AMPH: variants seen among roughly 807,000 people sequenced by gnomAD.
AMPH encodes amphiphysin.
In AMPH, 49 loss-of-function variants were observed where a neutral mutation model predicts 99.1. That is an observed-to-expected ratio of 0.49 (90% CI 0.39 to 0.63). AMPH has a LOEUF of 0.63. AMPH is among the 20% of genes least tolerant of loss of function. The pLI, the probability that AMPH is intolerant of heterozygous loss-of-function variation, is 0.00. For missense variants in AMPH, 759 were observed against 863.4 expected, an observed-to-expected ratio of 0.88 and a Z score of 1.52; for synonymous variants, 314 against 317.3, an observed-to-expected ratio of 0.99 and a Z score of 0.11.
intron 1 of AMPH, among the ~76,000 whole-genome samples, chr7:38,547,456 A>G (rs78020227): frequency 0.083 from 12,630 of 152,270 alleles, 718 homozygotes; most frequent in Middle Eastern, 0.19. Flanking sequence ...GCCTGAGTAT[A>G]CTAATCCCAC....
intron 20 of AMPH, among the ~76,000 whole-genome samples, chr7:38,388,186 T>C (rs1784396770): frequency 6.6e-6 from 1 of 152,102 alleles, no homozygotes; most frequent in South Asian, 2.1e-4. Context: ...CTGGAAATGG[T>C]AAACATGGTG....
intron 16 of AMPH, among the ~76,000 whole-genome samples, chr7:38,421,291 T>C (rs750924693): frequency 7.2e-5 from 11 of 152,360 alleles, no homozygotes; most frequent in Middle Eastern, 3.4e-3. Context: ...TTTATACTGG[T>C]ATTTCTCCAT....
At chr7:38,629,430 C>G (rs114065411) in intron 1 of AMPH, among the ~76,000 whole-genome samples, 6,920 of 152,240 alleles carry the variant, frequency 0.045, 190 homozygotes, top group Middle Eastern at 0.071. Flanking sequence ...CACCCCCGCT[C>G]CCATAGAAGA....
chr7:38,476,628 G>A (rs1189046795), intron 6 of AMPH, among the ~76,000 whole-genome samples: 1 of 152,162 alleles, frequency 6.6e-6, no homozygotes, highest in East Asian at 1.9e-4. Context: ...CCGCAACATT[G>A]TAGGTCAAAG....
intron 1 of AMPH, among the ~76,000 whole-genome samples, chr7:38,582,828 C>T (rs189950587): frequency 1.2e-3 from 177 of 152,106 alleles, no homozygotes; most frequent in Non-Finnish European, 1.8e-3. Flanking sequence ...CAATATGTGA[C>T]TGTCTGAAAA....
At chr7:38,432,587 T>TACACACACACAC (rs10556315) in intron 12 of AMPH, among the ~76,000 whole-genome samples, 247 of 148,178 alleles carry the variant, frequency 1.7e-3, no homozygotes, top group Non-Finnish European at 2.9e-3. Context: ...GTTATTTTAA[T>TACACACACACAC]ACACACACAC....
chr7:38,424,442 C>T lies in AMPH; in HGVS notation c.1216-1965G>A, dbSNP rs183437222. Reference sequence around the variant, plus strand: ...TCATTCATGACACAAGAAGAAGATGCTATTGGAAAATAAATATGCAGTAAA... The same window carrying T: ...TCATTCATGACACAAGAAGAAGATGTTATTGGAAAATAAATATGCAGTAAA... On this transcript the variant is annotated intron_variant, in intron 15 of 20. Coordinates refer to ENST00000356264, the MANE Select transcript of AMPH (RefSeq NM_001635.4). Among the ~76,000 whole-genome samples, 107 of 151,848 alleles carry T rather than the reference C, an allele frequency of 7.0e-4. 1 individual carries two copies. The highest frequency in any genetic ancestry group is 1.3e-3 in the Non-Finnish European group (87 of 67,966).
At chr7:38,432,114 G>A (rs761390189) in intron 13 of AMPH, 75 bp downstream of exon 13, 20 of 1,260,446 alleles carry the variant, frequency 1.6e-5, no homozygotes, top group Middle Eastern at 1.8e-4. Flanking sequence ...TGTTGCAAAT[G>A]AAATAAAATA....
At chr7:38,603,297 A>C (rs2129062121) in intron 1 of AMPH, among the ~76,000 whole-genome samples, 1 of 141,592 alleles carries the variant, frequency 7.1e-6, no homozygotes, top group Non-Finnish European at 1.5e-5. Context: ...GCCTGGTGAC[A>C]GAGTGAGACT....
At chr7:38,424,295 G>A (rs1257814497) in intron 15 of AMPH, among the ~76,000 whole-genome samples, 10 of 152,164 alleles carry the variant, frequency 6.6e-5, no homozygotes, top group Non-Finnish European at 1.5e-4. Context: ...CCAAACATTT[G>A]AGAAGTCTCA....
intron 11 of AMPH, among the ~76,000 whole-genome samples, chr7:38,456,397 T>C (rs561094455): frequency 6.6e-6 from 1 of 152,310 alleles, no homozygotes; most frequent in South Asian, 2.1e-4. Flanking sequence ...TCAATGTAGC[T>C]TGACCTCAGG....
At chr7:38,477,852 A>G (rs1331309977) in intron 5 of AMPH, among the ~76,000 whole-genome samples, 2 of 152,026 alleles carry the variant, frequency 1.3e-5, no homozygotes, top group African/African-American at 4.8e-5. Flanking sequence ...GAGCCTTCTG[A>G]CCTCTAGATT....
chr7:38,407,020 T>TA (rs1785031963), intron 17 of AMPH, among the ~76,000 whole-genome samples: 2 of 8,042 alleles, frequency 2.5e-4, no homozygotes, highest in East Asian at 6.1e-3. Flanking sequence ...CCTAATAGAC[T>TA]CCTCTCTCTC....
chr7:38,464,415 C>G (rs1277904502), intron 9 of AMPH, among the ~76,000 whole-genome samples: 1 of 152,146 alleles, frequency 6.6e-6, no homozygotes, highest in Non-Finnish European at 1.5e-5. Flanking sequence ...AGAAGATATA[C>G]TACTGCTTAC....
At chr7:38,432,585 AAT>A (rs914812674) in intron 12 of AMPH, among the ~76,000 whole-genome samples, 1 of 76,966 alleles carries the variant, frequency 1.3e-5, no homozygotes, top group Non-Finnish European at 2.6e-5. Context: ...AGGTTATTTT[AAT>A]ACACACACAC....
At chr7:38,427,010 T>A (rs1785803574) in intron 14 of AMPH, 24 bp from the exon 15 acceptor site, 1 of 1,606,308 alleles carries the variant, frequency 6.2e-7, no homozygotes, top group African/African-American at 1.3e-5. Context: ...AAAATCAGAT[T>A]GTGTTATTAT....
chr7:38,576,970 T>C (rs1383844227), intron 1 of AMPH, among the ~76,000 whole-genome samples: 1 of 152,190 alleles, frequency 6.6e-6, no homozygotes, highest in African/African-American at 2.4e-5. Context: ...GGGCTCATGA[T>C]ATGCTTTTGA....
chr7:38,488,524 G>T (rs1385692828), intron 5 of AMPH, among the ~76,000 whole-genome samples: 1 of 150,234 alleles, frequency 6.7e-6, no homozygotes, highest in Non-Finnish European at 1.5e-5. Context: ...CTGTCGGGGG[G>T]TGGGGGGCTA....
Position 38,465,457 on chromosome 7 carries a change from A to G in AMPH, c.749+10T>C. ...GGACATTACAGGTGCTCCAATGAGCAGGGGCCTACCTGGGCGCTCCTTGGA... is the reference window on the plus strand; with the variant it reads ...GGACATTACAGGTGCTCCAATGAGCGGGGGCCTACCTGGGCGCTCCTTGGA... On this transcript the variant is annotated intron_variant, in intron 9 of 20. Coordinates refer to ENST00000356264, the MANE Select transcript of AMPH (RefSeq NM_001635.4). The G allele has an allele frequency of 6.4e-7, 1 of 1,566,450 alleles. No homozygotes were observed. The highest frequency in any genetic ancestry group is 2.3e-5 in the East Asian group (1 of 43,088).
Sources: gnomAD v4.1 joint callset for allele counts (sites outside exome capture counted in the v4.1 genomes callset) on GRCh38, gnomAD v4.1.1 for gene constraint, MANE v1.5 for transcripts, NCBI Gene and HGNC (gene_info 2026-07-23, HGNC 2026-07-21) for gene names.